BCAS3: variants seen among roughly 807,000 people sequenced by gnomAD.
The protein encoded by BCAS3 is BCAS3 microtubule associated cell migration factor.
BCAS3 carries 53 observed loss-of-function variants against 116.1 expected under a neutral mutation model. That is an observed-to-expected ratio of 0.46 (90% CI 0.37 to 0.57). The LOEUF (loss-of-function observed/expected upper bound fraction) is 0.57. Among genes scored for constraint, BCAS3 ranks in the 20% least tolerant of loss-of-function variants. The pLI, the probability that BCAS3 is intolerant of heterozygous loss-of-function variation, is 0.00. For missense variants in BCAS3, 917 were observed against 1,165.4 expected (o/e 0.79, Z 3.10); for synonymous variants, 391 against 408.2 (o/e 0.96, Z 0.51).
At position 60,960,977 on chromosome 17, in the gene BCAS3, T is replaced by C. The variant is rs532754898; in HGVS notation, c.1221+13625T>C. ...GGCTTCTGCTGATTGAGTGGATCCA[T>C]GAAACACATGCCTGATGTCTTCAGC... On this transcript the variant is annotated intron_variant, in intron 14 of 23. Transcript: ENST00000407086. The surrounding 1 kb of genome is among the most constrained non-coding windows in gnomAD (Gnocchi z 4.1). 1.3e-5 allele frequency among the ~76,000 whole-genome samples: 2 copies of C among 152,042 alleles called. No individual in the cohort carries two copies. The highest frequency in any genetic ancestry group is 2.9e-5 in the Non-Finnish European group (2 of 68,014).
intron 5 of BCAS3, among the ~76,000 whole-genome samples, chr17:60,730,635 T>G (rs1245129639): frequency 6.6e-6 from 1 of 152,218 alleles, no homozygotes; most frequent in Non-Finnish European, 1.5e-5. Flanking sequence ...GGACTGCTCT[T>G]TACTATTAGG....
Position 61,355,722 on chromosome 17 carries a change from C to T in BCAS3, c.2426-12605C>T, listed in dbSNP as rs376162453. Among the ~76,000 whole-genome samples, 7 of 152,186 alleles carry T rather than the reference C, an allele frequency of 4.6e-5. No individual in the cohort carries two copies. In the East Asian group the frequency reaches 1.2e-3, roughly 25 times the overall value. On this transcript the variant is annotated intron_variant, in intron 22 of 23. Transcript: ENST00000407086. The surrounding 1 kb of genome is among the most constrained non-coding windows in gnomAD (Gnocchi z 4.2). The stretch of plus-strand genomic sequence containing the variant: ...GCTATGCCTGATGCAAAGTGGACAC[C>T]CGACAAATGTTAGTTATCTTACCTT...
intron 7 of BCAS3, among the ~76,000 whole-genome samples, chr17:60,836,143 G>A (rs1326171598): frequency 6.6e-6 from 1 of 152,060 alleles, no homozygotes. Flanking sequence ...CCCCACTAGA[G>A]TGGTACATTT....
rs1168752554 is a variant in BCAS3 at position 61,084,631 on chromosome 17, A to G, written c.2425+67A>G. On this transcript the variant is annotated intron_variant, in intron 22 of 23. Transcript: ENST00000407086. The surrounding 1 kb of genome is among the most constrained non-coding windows in gnomAD (Gnocchi z 5.5). ...CATTTTTAACTAATTTTCTCGCACA[A>G]TGTAGAGGATGACATTTATTTGCTT... The G allele has an allele frequency of 5.5e-6, 7 of 1,271,672 alleles. No individual in the cohort carries two copies. Among genetic ancestry groups the G allele is most frequent in the Admixed American group, 1.8e-5 (1 of 54,884 alleles). 78.8% of individuals were successfully genotyped at this position (1,271,672 alleles called of 1,614,324 possible). A position where few individuals can be genotyped will look rare whatever the true frequency, so the allele number is the denominator to read the frequency against.
chr17:60,739,432 C>T (rs575476202), intron 5 of BCAS3, among the ~76,000 whole-genome samples: 22 of 152,142 alleles, frequency 1.4e-4, no homozygotes, highest in Non-Finnish European at 2.8e-4. Context: ...CCAGCCTGGT[C>T]AATGTGGTAA....
At position 61,063,618 on chromosome 17, in the gene BCAS3, T is replaced by C. The variant is rs1227593748; in HGVS notation, c.2030-11302T>C. ...CTTCAGGATCTTGTTTCCACTTGAT[T>C]AAAATTTCCATTGAAAGCTTTGCTG... is the stretch of plus-strand genomic sequence containing the variant. On this transcript the variant is annotated intron_variant, in intron 19 of 23. Coordinates refer to ENST00000407086, the MANE Select transcript of BCAS3 (RefSeq NM_017679.5). This position sits in a 1 kb window ranked among gnomAD's most constrained non-coding sequence, Gnocchi z 5.3. Among the ~76,000 whole-genome samples, 1 of 152,186 alleles carries C rather than the reference T, an allele frequency of 6.6e-6. No individual in the cohort carries two copies. The highest frequency in any genetic ancestry group is 6.5e-5 in the Admixed American group (1 of 15,284).
intron 4 of BCAS3, among the ~76,000 whole-genome samples, chr17:60,703,561 C>CAA (rs539379540): frequency 0.072 from 9,976 of 139,380 alleles, 1,107 homozygotes; most frequent in African/African-American, 0.24. Flanking sequence ...AACCTTGTCT[C>CAA]AAAAAAAAAA....
chr17:61,377,620 G>A lies in BCAS3; in HGVS notation c.2593+9126G>A, dbSNP rs1159974005. ...CCTCTGTGACACAGTGTGGGGAGGA[G>A]GAGCTAGTAAATGTAGTAATCGTTG... On this transcript the variant is annotated intron_variant, in intron 23 of 23. Coordinates refer to ENST00000407086, the MANE Select transcript of BCAS3 (RefSeq NM_017679.5). This position sits in a 1 kb window ranked among gnomAD's most constrained non-coding sequence, Gnocchi z 4.6. Among the ~76,000 whole-genome samples, 2 of 152,192 alleles carry A rather than the reference G, an allele frequency of 1.3e-5. No individual in the cohort carries two copies. Among genetic ancestry groups the A allele is most frequent in the East Asian group, 1.9e-4 (1 of 5,190 alleles).
intron 22 of BCAS3, among the ~76,000 whole-genome samples, chr17:61,342,163 C>G (rs936930616): frequency 6.6e-6 from 1 of 152,168 alleles, no homozygotes; most frequent in African/African-American, 2.4e-5. Context: ...ACCACCACAC[C>G]TGGCTAATTT....
chr17:60,744,119 TC>T (rs1731507401), intron 5 of BCAS3, among the ~76,000 whole-genome samples: 2 of 152,204 alleles, frequency 1.3e-5, no homozygotes, highest in Admixed American at 6.5e-5. Context: ...TTCTCCCTGT[TC>T]GCTCTTCTCC....
intron 13 of BCAS3, among the ~76,000 whole-genome samples, chr17:60,942,366 G>T (rs1304463701): frequency 6.6e-6 from 1 of 152,190 alleles, no homozygotes; most frequent in Admixed American, 6.5e-5. Flanking sequence ...GGCGGAGGTT[G>T]CAGTGAGCCA....
intron 22 of BCAS3, among the ~76,000 whole-genome samples, chr17:61,149,199 A>G (rs1296603658): frequency 6.6e-6 from 1 of 152,180 alleles, no homozygotes; most frequent in Non-Finnish European, 1.5e-5. Context: ...CTTTTATTAA[A>G]ATTCTAAATG....
At position 61,141,205 on chromosome 17, in the gene BCAS3, G is replaced by A. The variant is rs987324238; in HGVS notation, c.2425+56641G>A. Among the ~76,000 whole-genome samples the A allele has an allele frequency of 2.6e-5, 4 of 152,062 alleles. No homozygotes were observed. The highest frequency in any genetic ancestry group is 2.6e-4 in the Admixed American group (4 of 15,266). On this transcript the variant is annotated intron_variant, in intron 22 of 23. Transcript: ENST00000407086. This position sits in a 1 kb window ranked among gnomAD's most constrained non-coding sequence, Gnocchi z 4.3. ...TTGAAGTACATAAATTCTTCAACAA[G>A]GGGCCTTTACATTCATATGTAGGGC... is the stretch of plus-strand genomic sequence containing the variant.
intron 6 of BCAS3, among the ~76,000 whole-genome samples, chr17:60,778,107 A>C (rs188508399): frequency 6.6e-6 from 1 of 151,716 alleles, no homozygotes; most frequent in Non-Finnish European, 1.5e-5. Context: ...TATGATTTTC[A>C]AGTATTTTCA....
intron 22 of BCAS3, among the ~76,000 whole-genome samples, chr17:61,304,949 G>T (rs1488898253): frequency 6.6e-6 from 1 of 152,028 alleles, no homozygotes; most frequent in Non-Finnish European, 1.5e-5. Context: ...TAGAGATGGA[G>T]TTTCACCATG....
intron 12 of BCAS3, among the ~76,000 whole-genome samples, chr17:60,921,396 A>G (rs1253842184): frequency 4.6e-5 from 7 of 152,142 alleles, no homozygotes; most frequent in South Asian, 2.1e-4. Context: ...GGCGGATCAC[A>G]AGGTCAGGAG....
rs1157161437 is a variant in BCAS3, at chr17:61,181,882, T to TC, written c.2425+97318_2425+97319insC. Among the ~76,000 whole-genome samples the TC allele has an allele frequency of 6.6e-6, 1 of 151,752 alleles. No individual in the cohort carries two copies. Among genetic ancestry groups the TC allele is most frequent in the Non-Finnish European group, 1.5e-5 (1 of 67,924 alleles). ...AGTCTTGCTTTTTCCTTCTTTTTTT[T>TC]TTTAATCTTGAGACACGGTCTCACT... On this transcript the variant is annotated intron_variant, in intron 22 of 23. Transcript: ENST00000407086. This position sits in a 1 kb window ranked among gnomAD's most constrained non-coding sequence, Gnocchi z 5.0.
At position 61,391,975 on chromosome 17, in the gene BCAS3, A is replaced by G. The variant is rs910614520; in HGVS notation, c.2594-2A>G. Reference sequence around the variant, plus strand: ...GGCCTGGCCCTCTCCTGTGTCTTGCAGAACTTCAGCGAGAGGGAAGCATCG... The same window carrying G: ...GGCCTGGCCCTCTCCTGTGTCTTGCGGAACTTCAGCGAGAGGGAAGCATCG... On this transcript the variant is annotated splice_acceptor_variant, in intron 23 of 23. Coordinates refer to ENST00000407086, the MANE Select transcript of BCAS3 (RefSeq NM_017679.5). LOFTEE classifies it high-confidence loss of function. This position sits in a 1 kb window ranked among gnomAD's most constrained non-coding sequence, Gnocchi z 7.7. 1.2e-6 allele frequency: 2 copies of G among 1,613,388 alleles called. No individual in the cohort carries two copies. The highest frequency in any genetic ancestry group is 1.7e-6 in the Non-Finnish European group (2 of 1,179,834).
At chr17:60,776,456 C>A (rs558155088) in intron 6 of BCAS3, among the ~76,000 whole-genome samples, 20 of 152,324 alleles carry the variant, frequency 1.3e-4, no homozygotes, top group African/African-American at 4.6e-4. Context: ...CGCGGTGGCT[C>A]ACGCCTGTAA....
Sources: allele counts gnomAD v4.1 joint callset (sites outside exome capture counted in the v4.1 genomes callset), GRCh38; gene constraint gnomAD v4.1.1; non-coding constraint Gnocchi (gnomAD v3.1); transcripts MANE v1.5; gene names NCBI Gene and HGNC (gene_info 2026-07-23, HGNC 2026-07-21).